LETM1: variants seen among roughly 807,000 people sequenced by gnomAD.
LETM1 encodes leucine zipper and EF-hand containing transmembrane protein 1.
In LETM1, 50 loss-of-function variants were observed where a neutral mutation model predicts 74.5. That is an observed-to-expected ratio of 0.67 (90% confidence interval 0.53 to 0.85). LETM1 has a LOEUF of 0.85. Ranked by LOEUF, LETM1 falls within the 40% of genes least tolerant of loss-of-function variation. The pLI, the probability that LETM1 is intolerant of heterozygous loss-of-function variation, is 0.00. For missense variants in LETM1, 824 were observed against 967.8 expected, an observed-to-expected ratio of 0.85 and a Z score of 1.97; for synonymous variants, 446 against 407.1, an observed-to-expected ratio of 1.10 and a Z score of -1.15.
chr4:1,849,225 G>A lies in LETM1; in HGVS notation c.83-16C>T, dbSNP rs750528895. On this transcript the variant is annotated splice_polypyrimidine_tract_variant and intron_variant, in intron 1 of 13. Coordinates refer to ENST00000302787, the MANE Select transcript of LETM1 (RefSeq NM_012318.3). ...CCTGGACTACCTGTAACAGGAACAG[G>A]GGAAAATAAATGAGTAGTAAATCAG... 8 of 1,595,454 alleles carry A rather than the reference G, an allele frequency of 5.0e-6. No homozygotes were observed. Among genetic ancestry groups the A allele is most frequent in the Non-Finnish European group, 6.9e-6 (8 of 1,163,484 alleles).
At position 1,834,789 on chromosome 4, in the gene LETM1, G is replaced by A; in HGVS notation, c.876+56C>T. 1.2e-6 allele frequency: 2 copies of A among 1,603,032 alleles called. 1 individual carries two copies. The highest frequency in any genetic ancestry group is 2.2e-5 in the South Asian group (2 of 90,222). ...TGCTGAGCACAGCGAAAGGGAAACA[G>A]AAAATCAGGGAAGGCTCCCTGGTGA... On this transcript the variant is annotated intron_variant, in intron 5 of 13. Transcript: ENST00000302787. This position sits in a 1 kb window ranked among gnomAD's most constrained non-coding sequence, Gnocchi z 5.0.
chr4:1,849,619 C>T (rs568689731), intron 1 of LETM1, among the ~76,000 whole-genome samples: 1 of 152,220 alleles, frequency 6.6e-6, no homozygotes. Flanking sequence ...TGCAGTGGTA[C>T]AGTCACGGCT....
intron 7 of LETM1, 34 bp from the exon 8 acceptor site, chr4:1,823,809 C>A: frequency 6.3e-7 from 1 of 1,581,060 alleles, no homozygotes; most frequent in Non-Finnish European, 8.6e-7. Flanking sequence ...AGATGGGCAG[C>A]CCCCCAACCC....
chr4:1,846,004 C>T (rs934422880), intron 2 of LETM1, among the ~76,000 whole-genome samples: 2 of 151,220 alleles, frequency 1.3e-5, no homozygotes, highest in Admixed American at 6.6e-5. Context: ...ACTACAGGCG[C>T]GCACCATCAC....
intron 10 of LETM1, 134 bp downstream of exon 10, chr4:1,822,047 C>T: frequency 2.1e-6 from 2 of 933,232 alleles, no homozygotes; most frequent in East Asian, 3.0e-5. Flanking sequence ...TCATCCTCAA[C>T]CCCTTGCACC....
rs957636760 is a variant in LETM1 at position 1,811,718 on chromosome 4, G to A, written c.*2706C>T. ...GACCCACTGTGAGCCACTGCGGGGT[G>A]TCCTTCATTTAAAAAAAGTCTGGAC... On this transcript the variant is annotated 3_prime_UTR_variant, in exon 14 of 14. Transcript: ENST00000302787. 6.6e-6 allele frequency: 1 copy of A among 152,322 alleles called. No individual in the cohort carries two copies. The highest frequency in any genetic ancestry group is 1.5e-5 in the Non-Finnish European group (1 of 68,062). 9.4% of individuals were successfully genotyped at this position (152,322 alleles called of 1,614,324 possible). A position where few individuals can be genotyped will look rare whatever the true frequency, so the allele number is the denominator to read the frequency against.
chr4:1,815,522 C>T (rs1002065060), intron 13 of LETM1, 142 bp downstream of exon 13: 3 of 735,034 alleles, frequency 4.1e-6, no homozygotes, highest in Non-Finnish European at 6.6e-6. Flanking sequence ...CTTAAAGGAG[C>T]AGTCGCAGTG....
intron 3 of LETM1, among the ~76,000 whole-genome samples, chr4:1,840,523 C>T (rs1401695105): frequency 4.0e-5 from 6 of 151,750 alleles, no homozygotes; most frequent in Non-Finnish European, 4.4e-5. Context: ...AAAAATTAGC[C>T]GGGCGTGGTG....
At chr4:1,820,226 C>T (rs1360980468) in intron 10 of LETM1, among the ~76,000 whole-genome samples, 5 of 152,146 alleles carry the variant, frequency 3.3e-5, no homozygotes, top group Admixed American at 2.6e-4. Context: ...GTGGGCCCCG[C>T]GCCCAGCCTC....
At chr4:1,848,808 A>C (rs2108856310) in intron 2 of LETM1, among the ~76,000 whole-genome samples, 1 of 151,922 alleles carries the variant, frequency 6.6e-6, no homozygotes, top group Non-Finnish European at 1.5e-5. Flanking sequence ...CAAAATACTG[A>C]CACTGGGCAC....
intron 6 of LETM1, among the ~76,000 whole-genome samples, chr4:1,826,967 T>C (rs1439630454): frequency 1.3e-5 from 2 of 152,128 alleles, no homozygotes; most frequent in African/African-American, 4.8e-5. Context: ...GAGTCTCAGG[T>C]GTCGCCTCCA....
chr4:1,815,805 G>A lies in LETM1; in HGVS notation c.1932-3C>T. On this transcript the variant is annotated splice_polypyrimidine_tract_variant and splice_region_variant and intron_variant, in intron 12 of 13. Transcript: ENST00000302787. ...CAGCGACACTGATGACGTTCTCCCT[G>A]TGGAAGCACAGCCTGCATGTGGCCA... 1 of 1,613,762 alleles carries A rather than the reference G, an allele frequency of 6.2e-7. No individual in the cohort carries two copies. The highest frequency in any genetic ancestry group is 8.5e-7 in the Non-Finnish European group (1 of 1,179,900).
chr4:1,853,127 T>A (rs1346985120), intron 1 of LETM1, among the ~76,000 whole-genome samples: 1 of 151,898 alleles, frequency 6.6e-6, no homozygotes, highest in Non-Finnish European at 1.5e-5. Flanking sequence ...ATTCTGCTCC[T>A]CCCCAAGTCC....
intron 7 of LETM1, 22 bp downstream of exon 7, chr4:1,825,542 C>T (rs1299448787): frequency 1.3e-6 from 2 of 1,597,016 alleles, no homozygotes; most frequent in Admixed American, 3.4e-5. Flanking sequence ...GCCGGCCTGG[C>T]ACCAGGCCAA....
At chr4:1,829,928 G>A (rs1315827272) in intron 6 of LETM1, among the ~76,000 whole-genome samples, 1 of 152,166 alleles carries the variant, frequency 6.6e-6, no homozygotes, top group Non-Finnish European at 1.5e-5. Context: ...TTTGTCTTCA[G>A]GGTTCATTAG....
intron 6 of LETM1, among the ~76,000 whole-genome samples, chr4:1,828,333 C>A (rs1432664538): frequency 7.3e-4 from 91 of 125,072 alleles, no homozygotes; most frequent in African/African-American, 2.8e-3. Context: ...GGGGCTGACC[C>A]CCCCCACCTC....
chr4:1,835,971 G>A (rs990011591), intron 4 of LETM1, among the ~76,000 whole-genome samples: 4 of 152,152 alleles, frequency 2.6e-5, no homozygotes, highest in African/African-American at 9.7e-5. Flanking sequence ...AGCTATTCGG[G>A]AGCTAAGACA....
At chr4:1,817,438 G>C (rs758941477) in intron 11 of LETM1, among the ~76,000 whole-genome samples, 8 of 151,436 alleles carry the variant, frequency 5.3e-5, no homozygotes, top group Non-Finnish European at 1.2e-4. Context: ...GTGCACACCT[G>C]TAGTGCCAGC....
chr4:1,855,176 T>C (rs761059572), intron 1 of LETM1, among the ~76,000 whole-genome samples: 4 of 152,188 alleles, frequency 2.6e-5, no homozygotes, highest in African/African-American at 4.8e-5. Context: ...GAGTCCCTCT[T>C]AGCAAGTTTT....
Sources: gnomAD v4.1 joint callset for allele counts (sites outside exome capture counted in the v4.1 genomes callset) on GRCh38, gnomAD v4.1.1 for gene constraint, Gnocchi (gnomAD v3.1) non-coding constraint, MANE v1.5 for transcripts, NCBI Gene and HGNC (gene_info 2026-07-23, HGNC 2026-07-21) for gene names.